The following SAMD3 variants were observed in gnomAD, a reference collection of about 807,000 sequenced individuals.
SAMD3 encodes the protein sterile alpha motif domain containing 3.
Under a neutral mutation model 58.5 loss-of-function variants are expected in SAMD3, and 63 were observed. The ratio of observed to expected loss-of-function variants is 1.08; its 90% CI spans 0.88 to 1.33. The LOEUF is 1.33. SAMD3 is among the 40% of genes most tolerant of loss of function. SAMD3 has a pLI of 0.00. For synonymous variants in SAMD3, 220 were observed against 210.3 expected (o/e 1.05, Z -0.40); for missense variants, 604 against 608.4 (o/e 0.99, Z 0.08).
intron 2 of SAMD3, among the ~76,000 whole-genome samples, chr6:130,230,236 C>A (rs1796505246): frequency 6.6e-6 from 1 of 152,268 alleles, no homozygotes; most frequent in African/African-American, 2.4e-5. Flanking sequence ...GCATCACAAT[C>A]CAAAGTATAT....
chr6:130,284,133 G>A (rs1966965), intron 2 of SAMD3, among the ~76,000 whole-genome samples: 50,267 of 152,046 alleles, frequency 0.33, 8,573 homozygotes, highest in East Asian at 0.47. Context: ...GATTATAGGC[G>A]TGAGCCACCA....
At chr6:130,321,324 G>A (rs114192204) in intron 1 of SAMD3, among the ~76,000 whole-genome samples, 91 of 152,256 alleles carry the variant, frequency 6.0e-4, no homozygotes, top group African/African-American at 1.8e-3. Context: ...GGCCATGTGA[G>A]TGAGCTTGGA....
chr6:130,196,519 T>C (rs1032315020), intron 5 of SAMD3, among the ~76,000 whole-genome samples: 1 of 152,280 alleles, frequency 6.6e-6, no homozygotes, highest in African/African-American at 2.4e-5. Flanking sequence ...TGATGGCAGC[T>C]CCACCAGGCC....
At chr6:130,283,386 G>C (rs183810356) in intron 2 of SAMD3, among the ~76,000 whole-genome samples, 1 of 152,252 alleles carries the variant, frequency 6.6e-6, no homozygotes, top group Admixed American at 6.5e-5. Context: ...TGAATCCTTA[G>C]ATTAAGGCAA....
At chr6:130,237,349 G>C (rs1773196438) in intron 2 of SAMD3, among the ~76,000 whole-genome samples, 1 of 152,072 alleles carries the variant, frequency 6.6e-6, no homozygotes, top group Non-Finnish European at 1.5e-5. Flanking sequence ...ATAATCCCCT[G>C]TATATAATTC....
At chr6:130,319,967 G>A (rs1776529825) in intron 1 of SAMD3, among the ~76,000 whole-genome samples, 1 of 151,500 alleles carries the variant, frequency 6.6e-6, no homozygotes, top group South Asian at 2.1e-4. Flanking sequence ...TTTCCAAAAT[G>A]AATTGCAAAG....
chr6:130,353,852 A>G (rs1777749996), intron 1 of SAMD3, among the ~76,000 whole-genome samples: 1 of 152,224 alleles, frequency 6.6e-6, no homozygotes, highest in Non-Finnish European at 1.5e-5. Flanking sequence ...GGTATTCCAC[A>G]GCAAAAGAAA....
chr6:130,173,467 G>A (rs1175604403), intron 8 of SAMD3, among the ~76,000 whole-genome samples: 2 of 152,192 alleles, frequency 1.3e-5, no homozygotes, highest in African/African-American at 4.8e-5. Context: ...TTTGCTGGAG[G>A]TCCACTCCAG....
At chr6:130,151,327 TCATA>T (rs2114567300) in intron 9 of SAMD3, among the ~76,000 whole-genome samples, 1 of 152,156 alleles carries the variant, frequency 6.6e-6, no homozygotes, top group East Asian at 1.9e-4. Context: ...TGCAGTTGCC[TCATA>T]CATATTTTTT....
At chr6:130,247,165 G>C (rs566528156) in intron 2 of SAMD3, among the ~76,000 whole-genome samples, 1 of 152,244 alleles carries the variant, frequency 6.6e-6, no homozygotes, top group Admixed American at 6.5e-5. Flanking sequence ...AAAGGAGTCA[G>C]GAATCATCAT....
chr6:130,251,562 G>A (rs981094683), intron 2 of SAMD3, among the ~76,000 whole-genome samples: 3 of 152,046 alleles, frequency 2.0e-5, no homozygotes, highest in African/African-American at 7.2e-5. Context: ...TATATGAGGT[G>A]AGGAAAAAAT....
At position 130,243,009 on chromosome 6, in the gene SAMD3, T is replaced by C. The variant is rs370252447; in HGVS notation, c.-187-20196A>G. Among the ~76,000 whole-genome samples the C allele has an allele frequency of 1.3e-4, 20 of 152,226 alleles. No individual in the cohort carries two copies. The East Asian group carries it at 3.7e-3, about 28-fold the overall frequency. ...CAGCCCCATGGTGCAGAAGCATTCA[T>C]CCACTAGCCTGAGTATAGTTTCACA... On this transcript the variant is annotated intron_variant, in intron 2 of 13. Coordinates refer to the SAMD3 transcript ENST00000368134.
chr6:130,365,266 G>A (rs933267273), exon 1 of SAMD3: 1 of 985,422 alleles, frequency 1.0e-6, no homozygotes, highest in Non-Finnish European at 1.2e-6. Context: ...TTGATGTTTG[G>A]AGTCGAACAT....
intron 1 of SAMD3, among the ~76,000 whole-genome samples, chr6:130,337,152 G>T (rs1274753021): frequency 1.3e-5 from 2 of 152,286 alleles, no homozygotes; most frequent in Non-Finnish European, 2.9e-5. Context: ...TGTTGAGGGA[G>T]GGATCTGGTG....
intron 2 of SAMD3, among the ~76,000 whole-genome samples, chr6:130,294,432 T>C (rs1775487271): frequency 6.6e-6 from 1 of 152,198 alleles, no homozygotes; most frequent in African/African-American, 2.4e-5. Flanking sequence ...CAGCCCCTCG[T>C]TATTAATGTT....
At chr6:130,291,293 T>C (rs1775352958) in intron 2 of SAMD3, among the ~76,000 whole-genome samples, 1 of 152,158 alleles carries the variant, frequency 6.6e-6, no homozygotes, top group African/African-American at 2.4e-5. Flanking sequence ...TTAGTAGAGA[T>C]GGAGTTTAGC....
At chr6:130,270,020 G>C (rs117668746) in intron 2 of SAMD3, among the ~76,000 whole-genome samples, 2,515 of 151,894 alleles carry the variant, frequency 0.017, 35 homozygotes, top group Non-Finnish European at 0.027. Flanking sequence ...TTTCATTGTG[G>C]TCAGAATGCA....
intron 5 of SAMD3, among the ~76,000 whole-genome samples, chr6:130,201,556 G>C (rs561332364): frequency 1.3e-5 from 2 of 152,304 alleles, no homozygotes; most frequent in South Asian, 4.1e-4. Context: ...TATTTTTCCT[G>C]TAAGTCCACT....
intron 2 of SAMD3, among the ~76,000 whole-genome samples, chr6:130,287,572 C>G (rs932232119): frequency 5.9e-5 from 9 of 151,910 alleles, no homozygotes; most frequent in Non-Finnish European, 1.3e-4. Context: ...GTTTAAAATC[C>G]AATGAGAGGT....
Sources: allele counts gnomAD v4.1 joint callset (sites outside exome capture counted in the v4.1 genomes callset), GRCh38; gene constraint gnomAD v4.1.1; transcripts MANE v1.5; gene names NCBI Gene and HGNC (gene_info 2026-07-23, HGNC 2026-07-21).